RELN: variants seen among roughly 807,000 people sequenced by gnomAD.
The protein encoded by RELN is reelin.
A neutral mutation model predicts 427.6 loss-of-function variants in RELN; 108 were observed. The observed-to-expected ratio is 0.25, with a 90% confidence interval of 0.22 to 0.30. The LOEUF is 0.30. Ranked by LOEUF, RELN falls within the 10% of genes least tolerant of loss-of-function variation. RELN has a pLI of 1.00. For missense variants in RELN, 3,715 were observed against 4,302.8 expected (o/e 0.86, Z 3.82); for synonymous variants, 1,524 against 1,513.4 (o/e 1.01, Z -0.16).
chr7:103,871,455 C>A (rs1794331810), intron 2 of RELN, among the ~76,000 whole-genome samples: 1 of 152,052 alleles, frequency 6.6e-6, no homozygotes, highest in Non-Finnish European at 1.5e-5. Context: ...AAATCTTTAA[C>A]TACCAAGAAT....
intron 3 of RELN, among the ~76,000 whole-genome samples, chr7:103,820,691 C>T (rs1563032679): frequency 6.6e-6 from 1 of 152,042 alleles, no homozygotes; most frequent in Non-Finnish European, 1.5e-5. Context: ...CACAAGACAT[C>T]CACCTTGATT....
intron 6 of RELN, among the ~76,000 whole-genome samples, chr7:103,741,933 C>G (rs148385194): frequency 6.6e-6 from 1 of 152,128 alleles, no homozygotes; most frequent in Admixed American, 6.5e-5. Flanking sequence ...TCTCCCCGCA[C>G]GCAGCTTGAG....
At chr7:103,787,918 C>T (rs978889500) in intron 3 of RELN, among the ~76,000 whole-genome samples, 9 of 152,026 alleles carry the variant, frequency 5.9e-5, no homozygotes, top group Admixed American at 2.6e-4. Flanking sequence ...TGATGAACAT[C>T]GATGCAAAAA....
At chr7:103,716,490 A>G (rs1789941698) in intron 8 of RELN, among the ~76,000 whole-genome samples, 1 of 152,184 alleles carries the variant, frequency 6.6e-6, no homozygotes, top group Admixed American at 6.5e-5. Context: ...TCCCTGGTTA[A>G]TTGACAAGAA....
At chr7:103,718,741 G>C (rs1379941346) in intron 8 of RELN, among the ~76,000 whole-genome samples, 2 of 152,200 alleles carry the variant, frequency 1.3e-5, no homozygotes, top group Non-Finnish European at 2.9e-5. Flanking sequence ...CCCTGGGCTA[G>C]TGACTGAGGA....
At chr7:103,498,012 T>C (rs1316566530) in intron 54 of RELN, 65 bp downstream of exon 54, 4 of 1,599,950 alleles carry the variant, frequency 2.5e-6, no homozygotes, top group African/African-American at 2.7e-5. Context: ...TCCATACAAG[T>C]GTTCCTTGCT....
intron 2 of RELN, among the ~76,000 whole-genome samples, chr7:103,867,771 T>A (rs1470409164): frequency 2.0e-5 from 3 of 152,040 alleles, no homozygotes; most frequent in African/African-American, 7.2e-5. Flanking sequence ...ATCATACAAG[T>A]GGATATACTC....
chr7:103,492,025 A>G lies in RELN; in HGVS notation c.9371T>C (p.Ile3124Thr). Residue 3124 changes from isoleucine (I) to threonine (T), a missense_variant and splice_region_variant, in exon 58 of 65, where the codon ATT becomes ACT. Around this residue, in one of 4 missense-constraint regions of RELN, gnomAD observed 1,310 missense variants for 1,643.0 expected, o/e 0.80. Coordinates refer to ENST00000428762, the MANE Select transcript of RELN (RefSeq NM_005045.4). ...AGAAGTGGCTTCACAACCCACCACA[A>G]TCTAAAACAAACATAAACAATCAAT... ...IQPGYMMQFK[I>T]VVGCEATSCG... 3.1e-6 allele frequency: 5 copies of G among 1,611,376 alleles called. No individual in the cohort carries two copies. Among genetic ancestry groups the G allele is most frequent in the South Asian group, 2.2e-5 (2 of 90,756 alleles).
At chr7:103,885,678 G>T (rs2116574768) in intron 2 of RELN, among the ~76,000 whole-genome samples, 1 of 152,238 alleles carries the variant, frequency 6.6e-6, no homozygotes, top group East Asian at 1.9e-4. Context: ...CATGGCACAA[G>T]TATGCCTATG....
chr7:103,834,763 T>C (rs1793359194), intron 2 of RELN, among the ~76,000 whole-genome samples: 1 of 152,176 alleles, frequency 6.6e-6, no homozygotes, highest in Non-Finnish European at 1.5e-5. Flanking sequence ...ACTACACACA[T>C]ATTAGAATGT....
intron 3 of RELN, among the ~76,000 whole-genome samples, chr7:103,826,345 T>C (rs1025785161): frequency 1.4e-5 from 2 of 138,032 alleles, no homozygotes; most frequent in Non-Finnish European, 3.3e-5. Flanking sequence ...TGTGTGTGTG[T>C]GTGTGTGTGT....
chr7:103,706,759 A>G (rs1834210359), intron 8 of RELN, among the ~76,000 whole-genome samples: 1 of 151,844 alleles, frequency 6.6e-6, no homozygotes, highest in Admixed American at 6.6e-5. Context: ...CTTGTTTTTG[A>G]TAAAGAGAGA....
At chr7:103,977,310 C>CAAAAAAAAAAAAAAAAAAAAAAAAAAAAA (rs201026012) in intron 1 of RELN, among the ~76,000 whole-genome samples, 1 of 88,278 alleles carries the variant, frequency 1.1e-5, no homozygotes, top group African/African-American at 5.2e-5. Flanking sequence ...GACTCTGTCT[C>CAAAAAAAAAAAAAAAAAAAAAAAAAAAAA]AAAAAAAAAA....
Position 103,620,266 on chromosome 7 carries a change from G to A in RELN, c.2703-8463C>T, listed in dbSNP as rs1181230770. ...ATGATTGTGAGGCCTCCTCAGTCACGTGGAACTGTGAGTCCATTAAATCTC... is the reference window on the plus strand; with the variant it reads ...ATGATTGTGAGGCCTCCTCAGTCACATGGAACTGTGAGTCCATTAAATCTC... On this transcript the variant is annotated intron_variant, in intron 20 of 64. Transcript: ENST00000428762. The surrounding 1 kb of genome is among the most constrained non-coding windows in gnomAD (Gnocchi z 4.1). Among the ~76,000 whole-genome samples, 2 of 152,124 alleles carry A rather than the reference G, an allele frequency of 1.3e-5. No individual in the cohort carries two copies. Among genetic ancestry groups the A allele is most frequent in the Non-Finnish European group, 2.9e-5 (2 of 68,020 alleles).
chr7:103,817,325 G>A (rs1430864945), intron 3 of RELN, among the ~76,000 whole-genome samples: 2 of 152,164 alleles, frequency 1.3e-5, no homozygotes, highest in African/African-American at 4.8e-5. Flanking sequence ...ACTTCTAGGT[G>A]ATTTATAAAT....
chr7:103,544,392 C>G (rs531350815), intron 42 of RELN, among the ~76,000 whole-genome samples: 1 of 151,616 alleles, frequency 6.6e-6, no homozygotes, highest in East Asian at 1.9e-4. Flanking sequence ...GCGTGCCCGG[C>G]TTTTTTGTAT....
At chr7:103,619,290 A>G (rs1832160141) in intron 20 of RELN, among the ~76,000 whole-genome samples, 1 of 152,134 alleles carries the variant, frequency 6.6e-6, no homozygotes, top group African/African-American at 2.4e-5. Context: ...CATGATGACC[A>G]CAAATGAATG....
chr7:103,852,687 G>GTTGT (rs201755049), intron 2 of RELN, among the ~76,000 whole-genome samples: 1 of 151,658 alleles, frequency 6.6e-6, no homozygotes, highest in Admixed American at 6.6e-5. Flanking sequence ...TGTTGTTGTT[G>GTTGT]TTGTTTGTTT....
chr7:103,623,227 C>T (rs6465931), intron 20 of RELN, among the ~76,000 whole-genome samples: 34,961 of 152,136 alleles, frequency 0.23, 5,043 homozygotes, highest in South Asian at 0.37. Context: ...GTGAAATGGT[C>T]GCTGAGGTGG....
Sources: gnomAD v4.1 joint callset for allele counts (sites outside exome capture counted in the v4.1 genomes callset) on GRCh38, gnomAD v4.1.1 for gene constraint, gnomAD v4.1.1 regional missense constraint, Gnocchi (gnomAD v3.1) non-coding constraint, MANE v1.5 for transcripts, NCBI Gene and HGNC (gene_info 2026-07-23, HGNC 2026-07-21) for gene names.